The following KCNAB1 variants were observed in gnomAD, a reference collection of about 807,000 sequenced individuals.
KCNAB1 encodes the protein potassium voltage-gated channel subfamily A regulatory beta subunit 1.
KCNAB1 carries 35 observed loss-of-function variants against 64.6 expected under a neutral mutation model. The observed-to-expected ratio is 0.54, with a 90% confidence interval of 0.41 to 0.72. KCNAB1 has a LOEUF of 0.72. KCNAB1 is among the 30% of genes least tolerant of loss of function. KCNAB1 has a pLI of 0.00. For missense variants in KCNAB1, 401 were observed against 512.9 expected, an observed-to-expected ratio of 0.78 and a Z score of 2.11; for synonymous variants, 177 against 183.8, an observed-to-expected ratio of 0.96 and a Z score of 0.30.
At chr3:156,430,158 G>T (rs897326910) in intron 2 of KCNAB1, among the ~76,000 whole-genome samples, 32 of 152,242 alleles carry the variant, frequency 2.1e-4, no homozygotes, top group Non-Finnish European at 4.3e-4. Context: ...TGGCCACATG[G>T]CTTTGCCTCT....
chr3:156,139,302 C>T (rs960424720), intron 1 of KCNAB1, among the ~76,000 whole-genome samples: 1 of 152,202 alleles, frequency 6.6e-6, no homozygotes, highest in East Asian at 1.9e-4. Flanking sequence ...TCTCATTTCT[C>T]TCTCCTTTCC....
chr3:156,234,409 T>G (rs1398403656), intron 1 of KCNAB1, among the ~76,000 whole-genome samples: 1 of 152,012 alleles, frequency 6.6e-6, no homozygotes, highest in African/African-American at 2.4e-5. Context: ...AGCCAGAACA[T>G]AAGCAGAAGG....
At chr3:156,520,255 A>C (rs1011807269) in intron 11 of KCNAB1, among the ~76,000 whole-genome samples, 1 of 152,244 alleles carries the variant, frequency 6.6e-6, no homozygotes, top group Non-Finnish European at 1.5e-5. Flanking sequence ...ATTTATTGGC[A>C]GCTCCTCCCT....
intron 1 of KCNAB1, among the ~76,000 whole-genome samples, chr3:156,183,538 G>A (rs1221935036): frequency 6.6e-6 from 1 of 152,204 alleles, no homozygotes; most frequent in Admixed American, 6.5e-5. Context: ...GAACATTGAA[G>A]TTGACTTGGC....
At chr3:156,438,924 GAATC>G (rs1460807656) in intron 2 of KCNAB1, among the ~76,000 whole-genome samples, 1 of 152,154 alleles carries the variant, frequency 6.6e-6, no homozygotes, top group Admixed American at 6.5e-5. Context: ...TGAGGCAGGA[GAATC>G]GCTTGAACCC....
intron 1 of KCNAB1, among the ~76,000 whole-genome samples, chr3:156,322,499 T>C (rs1722726092): frequency 6.6e-6 from 1 of 152,186 alleles, no homozygotes; most frequent in African/African-American, 2.4e-5. Context: ...ATTTACACTG[T>C]ATTAGGTATT....
At chr3:156,440,213 G>C (rs545111653) in intron 2 of KCNAB1, among the ~76,000 whole-genome samples, 3 of 152,146 alleles carry the variant, frequency 2.0e-5, no homozygotes, top group Non-Finnish European at 4.4e-5. Flanking sequence ...TTGTGTATTT[G>C]AGAACAATTC....
chr3:156,355,342 G>A (rs1725157249), intron 1 of KCNAB1, among the ~76,000 whole-genome samples: 2 of 151,656 alleles, frequency 1.3e-5, no homozygotes, highest in African/African-American at 4.9e-5. Flanking sequence ...TTCTAACTCA[G>A]TCTAACAAGC....
chr3:156,451,266 AC>A (rs1428307291), intron 2 of KCNAB1, among the ~76,000 whole-genome samples: 10 of 152,234 alleles, frequency 6.6e-5, no homozygotes, highest in African/African-American at 2.4e-4. Context: ...CCCATCTGCA[AC>A]CTCTGGATAC....
At chr3:156,361,141 G>A (rs1376513146) in intron 1 of KCNAB1, among the ~76,000 whole-genome samples, 3 of 151,914 alleles carry the variant, frequency 2.0e-5, no homozygotes, top group South Asian at 2.1e-4. Flanking sequence ...GAGCTTTACC[G>A]CCCTCATCAT....
chr3:156,214,378 G>C (rs1213476540), intron 1 of KCNAB1, among the ~76,000 whole-genome samples: 1 of 152,078 alleles, frequency 6.6e-6, no homozygotes, highest in Admixed American at 6.5e-5. Flanking sequence ...GCTAATTGCA[G>C]GCACTTAGTA....
intron 1 of KCNAB1, among the ~76,000 whole-genome samples, chr3:156,182,632 C>T (rs1211839931): frequency 1.3e-5 from 2 of 151,542 alleles, no homozygotes; most frequent in African/African-American, 2.4e-5. Flanking sequence ...TTTTTTTTCC[C>T]CCCCCCGGGT....
At chr3:156,358,996 A>G (rs1010904105) in intron 1 of KCNAB1, among the ~76,000 whole-genome samples, 1 of 152,222 alleles carries the variant, frequency 6.6e-6, no homozygotes, top group African/African-American at 2.4e-5. Flanking sequence ...TGCACAAGGG[A>G]CTGAATGTCT....
rs945973959 is a variant in KCNAB1, at chr3:156,223,263, A to G, written c.275+102377A>G. Among the ~76,000 whole-genome samples the G allele has an allele frequency of 2.6e-5, 4 of 152,306 alleles. No homozygotes were observed. In the South Asian group the frequency reaches 8.3e-4, roughly 32 times the overall value. On this transcript the variant is annotated intron_variant, in intron 1 of 13. Coordinates refer to ENST00000490337, the MANE Select transcript of KCNAB1 (RefSeq NM_172160.3). ...AGAGAGCAGCAGCAAGATTTATTGC[A>G]AAGAGTGAAAGAACAAAGCTTCCAC...
intron 1 of KCNAB1, among the ~76,000 whole-genome samples, chr3:156,271,745 G>C (rs1719050109): frequency 6.6e-6 from 1 of 152,196 alleles, no homozygotes; most frequent in African/African-American, 2.4e-5. Flanking sequence ...TGGTCTTGAT[G>C]CTTGTAAATG....
intron 3 of KCNAB1, chr3:156,457,247 T>C: frequency 7.3e-7 from 1 of 1,367,990 alleles, no homozygotes; most frequent in Non-Finnish European, 9.5e-7. Context: ...AAGTAACCCC[T>C]CAGTGCCCTA....
intron 1 of KCNAB1, among the ~76,000 whole-genome samples, chr3:156,153,574 T>G (rs913459712): frequency 6.6e-6 from 1 of 152,238 alleles, no homozygotes; most frequent in East Asian, 1.9e-4. Flanking sequence ...ATTGGTGGAC[T>G]GAGTAAAGCA....
At chr3:156,228,189 G>A (rs894012551) in intron 1 of KCNAB1, among the ~76,000 whole-genome samples, 8 of 152,122 alleles carry the variant, frequency 5.3e-5, no homozygotes, top group Admixed American at 2.6e-4. Context: ...TAACTGTGTC[G>A]GTGGGAAGTC....
At chr3:156,143,314 G>T in intron 1 of KCNAB1, 1 of 1,613,282 alleles carries the variant, frequency 6.2e-7, no homozygotes, top group Non-Finnish European at 8.5e-7. Context: ...CTGCAAACCT[G>T]TGAGGCCCAG....
Sources: allele counts gnomAD v4.1 joint callset (sites outside exome capture counted in the v4.1 genomes callset), GRCh38; gene constraint gnomAD v4.1.1; transcripts MANE v1.5; gene names NCBI Gene and HGNC (gene_info 2026-07-23, HGNC 2026-07-21).